The following DYNC1H1 variants were observed in gnomAD, a reference collection of about 807,000 sequenced individuals.
DYNC1H1 encodes the protein cytoplasmic dynein 1 heavy chain 1.
In DYNC1H1, 51 loss-of-function variants were observed where a neutral mutation model predicts 527.1. That is an observed-to-expected ratio of 0.10 (90% CI 0.08 to 0.12). The LOEUF (loss-of-function observed/expected upper bound fraction) is 0.12. Among genes scored for constraint, DYNC1H1 ranks in the 10% least tolerant of loss-of-function variants. DYNC1H1 has a pLI of 1.00. For missense variants in DYNC1H1, 2,771 were observed against 5,971.8 expected (o/e 0.46, Z 17.66); for synonymous variants, 2,189 against 2,278.8 (o/e 0.96, Z 1.12).
intron 34 of DYNC1H1, among the ~76,000 whole-genome samples, chr14:102,014,143 C>A (rs1201881553): frequency 1.3e-5 from 2 of 152,308 alleles, no homozygotes; most frequent in East Asian, 3.9e-4. Flanking sequence ...GAGGCAATTA[C>A]AGCTCCGAGG....
rs755973492 is a variant in DYNC1H1 at position 102,000,408 on chromosome 14, T to G, written c.4074+9T>G. ...CAGTACAGCCTCGAAAGGTATATCA[T>G]GAAATCGGTGTTTGTGTACGTCTAT... On this transcript the variant is annotated intron_variant, in intron 18 of 77. Transcript: ENST00000360184. 6.2e-7 allele frequency: 1 copy of G among 1,613,224 alleles called. No homozygotes were observed. Among genetic ancestry groups the G allele is most frequent in the Non-Finnish European group, 8.5e-7 (1 of 1,179,306 alleles).
chr14:101,997,307 C>T lies in DYNC1H1; in HGVS notation c.3804+33C>T, dbSNP rs774695814. ...CCGCCAGGTGGGGACGCAGGAGACT[C>T]CTCACCCAGCAGTGTGATTTGGTGA... is the stretch of plus-strand genomic sequence containing the variant. On this transcript the variant is annotated intron_variant, in intron 16 of 77. Transcript: ENST00000360184. This position sits in a 1 kb window ranked among gnomAD's most constrained non-coding sequence, Gnocchi z 4.8. 89 of 1,613,682 alleles carry T rather than the reference C, an allele frequency of 5.5e-5. No homozygotes were observed. In the Middle Eastern group the frequency reaches 6.6e-4, roughly 12 times the overall value.
rs946350110 is a variant in DYNC1H1 at position 102,011,250 on chromosome 14, T to C, written c.6618+298T>C. On this transcript the variant is annotated intron_variant, in intron 32 of 77. Coordinates refer to ENST00000360184, the MANE Select transcript of DYNC1H1 (RefSeq NM_001376.5). This position sits in a 1 kb window ranked among gnomAD's most constrained non-coding sequence, Gnocchi z 5.3. Reference sequence around the variant, plus strand: ...GATAAAAATTCTGCTTACCAGACTTTCCAGTGCCAGAGATGAACAACCTGA... The same window carrying C: ...GATAAAAATTCTGCTTACCAGACTTCCCAGTGCCAGAGATGAACAACCTGA... 3.4e-5 allele frequency: 15 copies of C among 437,390 alleles called. No homozygotes were observed. Among genetic ancestry groups the C allele is most frequent in the Non-Finnish European group, 5.1e-5 (12 of 235,174 alleles). 27.1% of individuals were successfully genotyped at this position (437,390 alleles called of 1,614,324 possible). A position where few individuals can be genotyped will look rare whatever the true frequency, so the allele number is the denominator to read the frequency against.
chr14:101,984,810 G>A (rs1018006636), intron 7 of DYNC1H1, among the ~76,000 whole-genome samples: 2 of 151,036 alleles, frequency 1.3e-5, no homozygotes, highest in African/African-American at 4.9e-5. Context: ...GCAGGTGCCT[G>A]TAGTCCCAGC....
chr14:101,982,349 T>G (rs2047877508), intron 5 of DYNC1H1, among the ~76,000 whole-genome samples: 1 of 152,080 alleles, frequency 6.6e-6, no homozygotes. Flanking sequence ...ATCCTAGCAC[T>G]TTGGGAGGCC....
chr14:102,025,269 G>T (rs1424593746), intron 43 of DYNC1H1, among the ~76,000 whole-genome samples: 1 of 152,046 alleles, frequency 6.6e-6, no homozygotes, highest in Non-Finnish European at 1.5e-5. Context: ...GCCGGGTGCG[G>T]TACTGCATGC....
At position 101,964,629 on chromosome 14, in the gene DYNC1H1, T is replaced by C; in HGVS notation, c.-63T>C. Reference sequence around the variant, plus strand: ...TCCGGCGGCCGTTTCTGTCTCTTGCTGGCTGTCTCGCTGAGTCGCGGCCGC... The same window carrying C: ...TCCGGCGGCCGTTTCTGTCTCTTGCCGGCTGTCTCGCTGAGTCGCGGCCGC... On this transcript the variant is annotated 5_prime_UTR_variant, in exon 1 of 78. Coordinates refer to ENST00000360184, the MANE Select transcript of DYNC1H1 (RefSeq NM_001376.5). This position sits in a 1 kb window ranked among gnomAD's most constrained non-coding sequence, Gnocchi z 5.5. The C allele has an allele frequency of 6.5e-7, 1 of 1,540,886 alleles. No individual in the cohort carries two copies. The highest frequency in any genetic ancestry group is 8.7e-7 in the Non-Finnish European group (1 of 1,149,430).
rs1426122771 is a variant in DYNC1H1 at position 102,005,254 on chromosome 14, C to T, written c.5433+18C>T. The T allele has an allele frequency of 6.2e-7, 1 of 1,613,890 alleles. No individual in the cohort carries two copies. Among genetic ancestry groups the T allele is most frequent in the South Asian group, 1.1e-5 (1 of 91,078 alleles). On this transcript the variant is annotated intron_variant, in intron 26 of 77. Coordinates refer to ENST00000360184, the MANE Select transcript of DYNC1H1 (RefSeq NM_001376.5). The surrounding 1 kb of genome is among the most constrained non-coding windows in gnomAD (Gnocchi z 4.0). ...AACACTTGGTTAGTCTCACACCTGA[C>T]TCCTTCCTTACCAGTTAGACTCTTA...
In DYNC1H1 at chr14:102,050,768, T is replaced by A. The variant is rs996203884; in HGVS notation, c.*205T>A. 11 of 710,480 alleles carry A rather than the reference T, an allele frequency of 1.5e-5. No homozygotes were observed. In the Admixed American group the frequency reaches 1.7e-4, roughly 11 times the overall value. 44.0% of individuals were successfully genotyped at this position (710,480 alleles called of 1,614,324 possible). ...GGGAAGGCCAATGGCGTGGCTCCTT[T>A]GAGGAAATAAAACACTAAGCATGAG... On this transcript the variant is annotated 3_prime_UTR_variant, in exon 78 of 78. Coordinates refer to ENST00000360184, the MANE Select transcript of DYNC1H1 (RefSeq NM_001376.5).
chr14:102,041,031 C>T lies in DYNC1H1; in HGVS notation c.11941+358C>T, dbSNP rs1318365572. 1.3e-5 allele frequency: 5 copies of T among 385,144 alleles called. No individual in the cohort carries two copies. Among genetic ancestry groups the T allele is most frequent in the African/African-American group, 8.3e-5 (4 of 48,308 alleles). 23.9% of individuals were successfully genotyped at this position (385,144 alleles called of 1,614,324 possible). A position where few individuals can be genotyped will look rare whatever the true frequency, so the allele number is the denominator to read the frequency against. ...TTTTAAGGAAACCACTTAGGGAGAT[C>T]GCTTCTAGGTAGGTGTTGGCTTAGA... On this transcript the variant is annotated intron_variant, in intron 64 of 77. Coordinates refer to ENST00000360184, the MANE Select transcript of DYNC1H1 (RefSeq NM_001376.5). The surrounding 1 kb of genome is among the most constrained non-coding windows in gnomAD (Gnocchi z 4.5).
chr14:102,034,379 C>T lies in DYNC1H1; in HGVS notation c.10681C>T (p.Arg3561Cys), dbSNP rs2152592315. Residue 3561 changes from arginine to cysteine, a missense_variant, in exon 56 of 78, where the codon CGC becomes TGC. Coordinates refer to ENST00000360184, the MANE Select transcript of DYNC1H1 (RefSeq NM_001376.5). The part of the protein sequence containing the change: ...EYLSNADERL[R>C]WQASSLPADD... ...CCTTTCCAATGCTGATGAGCGTCTT[C>T]GCTGGCAGGCCAGCTCCTTGCCTGC... The T allele has an allele frequency of 6.2e-7, 1 of 1,614,076 alleles. No homozygotes were observed. Among genetic ancestry groups the T allele is most frequent in the Non-Finnish European group, 8.5e-7 (1 of 1,180,046 alleles).
chr14:102,034,338 T>C lies in DYNC1H1; in HGVS notation c.10640T>C (p.Ile3547Thr), dbSNP rs766845861. The C allele has an allele frequency of 1.9e-6, 3 of 1,614,230 alleles. No individual in the cohort carries two copies. Among genetic ancestry groups the C allele is most frequent in the East Asian group, 2.2e-5 (1 of 44,884 alleles). ...CTTGCCTTTCAGTTCCGTACAGATA[T>C]TGCCAGGACGGAATACCTTTCCAAT... ...QQANIQFRTD[I>T]ARTEYLSNAD... Residue 3547 changes from isoleucine (I) to threonine (T), a missense_variant, in exon 56 of 78, where the codon ATT (isoleucine) becomes ACT (threonine). By Grantham distance (89) the Ile-to-Thr change is moderately conservative. Transcript: ENST00000360184.
Position 102,052,847 on chromosome 14 carries a change from GT to G in DYNC1H1, c.*2285del, listed in dbSNP as rs1214416515. 6.6e-6 allele frequency: 1 copy of G among 152,152 alleles called. No homozygotes were observed. The highest frequency in any genetic ancestry group is 1.5e-5 in the Non-Finnish European group (1 of 68,038). The allele number at this position is 152,152 out of a possible 1,614,324, so 9.4% of individuals were successfully genotyped here. A position where few individuals can be genotyped will look rare whatever the true frequency, so the allele number is the denominator to read the frequency against. On this transcript the variant is annotated 3_prime_UTR_variant, in exon 78 of 78. Transcript: ENST00000360184. ...TCTATGACAAGAATGTGGGTTTTTTGTGACAGGGCGTCTACTATATGAACTT... is the reference window on the plus strand; with the variant it reads ...TCTATGACAAGAATGTGGGTTTTTTGGACAGGGCGTCTACTATATGAACTT...
At chr14:101,987,691 G>A in intron 9 of DYNC1H1, 59 bp downstream of exon 9, 1 of 1,590,706 alleles carries the variant, frequency 6.3e-7, no homozygotes, top group Non-Finnish European at 8.6e-7. Context: ...CCTCCAGTAA[G>A]CTTATTAGTT....
chr14:102,032,523 C>T, intron 52 of DYNC1H1, 56 bp downstream of exon 52: 9 of 1,608,322 alleles, frequency 5.6e-6, no homozygotes, highest in African/African-American at 1.3e-5. Flanking sequence ...TTGTTCAGGC[C>T]AGGCACGGTG....
Position 102,036,428 on chromosome 14 carries a change from C to T in DYNC1H1, c.10755-61C>T, listed in dbSNP as rs764435131. ...GTCTCTCATCAGGGACTCGGCTAAC[C>T]GTGATCCTGTGCTTTCCCCATTCGG... is the stretch of plus-strand genomic sequence containing the variant. On this transcript the variant is annotated intron_variant, in intron 56 of 77. Coordinates refer to ENST00000360184, the MANE Select transcript of DYNC1H1 (RefSeq NM_001376.5). The surrounding 1 kb of genome is among the most constrained non-coding windows in gnomAD (Gnocchi z 5.6). 532 of 1,607,062 alleles carry T rather than the reference C, an allele frequency of 3.3e-4. 1 individual carries two copies. The highest frequency in any genetic ancestry group is 3.5e-4 in the Non-Finnish European group (416 of 1,175,990).
intron 52 of DYNC1H1, chr14:102,032,825 C>A: frequency 1.7e-6 from 1 of 580,688 alleles, no homozygotes; most frequent in South Asian, 2.0e-5. Context: ...CGCACTCCAG[C>A]CTGGGTGACA....
Position 101,980,473 on chromosome 14 carries a change from C to G in DYNC1H1, c.884C>G (p.Pro295Arg). 1.9e-6 allele frequency: 3 copies of G among 1,614,172 alleles called. No individual in the cohort carries two copies. Among genetic ancestry groups the G allele is most frequent in the South Asian group, 2.2e-5 (2 of 91,084 alleles). ...CGCATCCAGGAGAAACGGGAGAGCC[C>G]GGAAGTTCTCCTGACTCTGGATATC... ...LYRIQEKRES[P>R]EVLLTLDILK... Residue 295 changes from proline to arginine, a missense_variant, in exon 5 of 78, where the codon CCG (proline) becomes CGG (arginine). By Grantham distance (103) the Pro-to-Arg change is moderately radical. This residue lies in a region of DYNC1H1 where 146 missense variants were observed against 288.1 expected (regional missense o/e 0.51). Coordinates refer to ENST00000360184, the MANE Select transcript of DYNC1H1 (RefSeq NM_001376.5).
At chr14:102,000,207 T>C in intron 17 of DYNC1H1, 63 bp downstream of exon 17, 1 of 1,614,188 alleles carries the variant, frequency 6.2e-7, no homozygotes, top group Non-Finnish European at 8.5e-7. Flanking sequence ...CCATTGACTT[T>C]GTTCATCCTC....
Sources: allele counts gnomAD v4.1 joint callset (sites outside exome capture counted in the v4.1 genomes callset), GRCh38; gene constraint gnomAD v4.1.1; regional missense constraint gnomAD v4.1.1; non-coding constraint Gnocchi (gnomAD v3.1); transcripts MANE v1.5; gene names NCBI Gene and HGNC (gene_info 2026-07-23, HGNC 2026-07-21).